NF1: variants seen among roughly 807,000 people sequenced by gnomAD.
NF1 encodes the protein neurofibromin.
NF1 carries 122 observed loss-of-function variants against 325.7 expected under a neutral mutation model. That is an observed-to-expected ratio of 0.37 (90% confidence interval 0.32 to 0.44). The LOEUF is 0.44. NF1 is among the 20% of genes least tolerant of loss of function. NF1 has a pLI of 1.00. For synonymous variants in NF1, 1,091 were observed against 1,186.0 expected (o/e 0.92, Z 1.65); for missense variants, 2,140 against 3,415.4 (o/e 0.63, Z 9.31).
intron 46 of NF1, 122 bp downstream of exon 46, chr17:31,338,927 T>A: frequency 1.4e-6 from 1 of 710,470 alleles, no homozygotes; most frequent in Non-Finnish European, 2.5e-6. Flanking sequence ...AAACTATAGT[T>A]AAAGTAGAAC....
intron 1 of NF1, among the ~76,000 whole-genome samples, chr17:31,112,927 A>G (rs1239466874): frequency 1.3e-5 from 2 of 152,128 alleles, no homozygotes; most frequent in African/African-American, 2.4e-5. Flanking sequence ...TATTTGTGCT[A>G]TGTGCCTGTT....
At chr17:31,305,111 A>G (rs763237281) in intron 36 of NF1, 5 of 1,614,096 alleles carry the variant, frequency 3.1e-6, no homozygotes, top group Non-Finnish European at 4.2e-6. Flanking sequence ...GGTTGTGTGG[A>G]TGGATTATGA....
intron 36 of NF1, among the ~76,000 whole-genome samples, chr17:31,324,354 A>G (rs1272554728): frequency 6.6e-6 from 1 of 152,222 alleles, no homozygotes; most frequent in African/African-American, 2.4e-5. Context: ...GGCGTGAGCC[A>G]CCATGCCCTG....
chr17:31,193,402 G>C (rs2143839228), intron 8 of NF1, among the ~76,000 whole-genome samples: 1 of 152,182 alleles, frequency 6.6e-6, no homozygotes, highest in African/African-American at 2.4e-5. Flanking sequence ...AAACTTCTGG[G>C]CTTATGCGAT....
chr17:31,241,526 A>T, intron 29 of NF1, among the ~76,000 whole-genome samples: 1 of 151,204 alleles, frequency 6.6e-6, no homozygotes, highest in Non-Finnish European at 1.5e-5. Flanking sequence ...TATGTTTTTG[A>T]TTTGAGGTTA....
At chr17:31,286,825 C>T (rs1339929975) in intron 36 of NF1, among the ~76,000 whole-genome samples, 2 of 152,142 alleles carry the variant, frequency 1.3e-5, no homozygotes, top group Non-Finnish European at 2.9e-5. Context: ...TCCTTGTCTT[C>T]CCTTACTTAT....
chr17:31,242,923 C>A (rs1185462749), intron 29 of NF1, among the ~76,000 whole-genome samples: 1 of 152,164 alleles, frequency 6.6e-6, no homozygotes, highest in Admixed American at 6.5e-5. Context: ...TGTTTGTACC[C>A]ACCCTTCTGG....
At chr17:31,181,292 T>C (rs2143772803) in intron 5 of NF1, 130 bp from the exon 6 acceptor site, 1 of 841,330 alleles carries the variant, frequency 1.2e-6, no homozygotes, top group South Asian at 1.7e-5. Flanking sequence ...ATGTTAGGTG[T>C]CTTTACCTTT....
At chr17:31,175,345 CTTTTTTTTTTTT>C (rs869113407) in intron 5 of NF1, among the ~76,000 whole-genome samples, 3 of 71,348 alleles carry the variant, frequency 4.2e-5, no homozygotes, top group Admixed American at 2.1e-4. Flanking sequence ...TGTGCTTTTG[CTTTTTTTTTTTT>C]TTTTTTTTTT....
At chr17:31,285,527 G>A (rs151232048) in intron 36 of NF1, among the ~76,000 whole-genome samples, 1 of 152,118 alleles carries the variant, frequency 6.6e-6, no homozygotes, top group Admixed American at 6.5e-5. Context: ...AAAATGTCAC[G>A]TTTAGTAATA....
chr17:31,324,764 G>T (rs1010667438), intron 36 of NF1, among the ~76,000 whole-genome samples: 3 of 152,056 alleles, frequency 2.0e-5, no homozygotes, highest in African/African-American at 7.2e-5. Flanking sequence ...GTTTTGCCAT[G>T]TTGGCCAGGC....
At chr17:31,112,159 A>G (rs892656226) in intron 1 of NF1, among the ~76,000 whole-genome samples, 4 of 152,258 alleles carry the variant, frequency 2.6e-5, no homozygotes, top group East Asian at 3.9e-4. Flanking sequence ...CAGTGGATAT[A>G]TCATAAGTTG....
intron 36 of NF1, among the ~76,000 whole-genome samples, chr17:31,287,542 C>CTCTGTGTG (rs987459488): frequency 4.0e-4 from 58 of 145,588 alleles, no homozygotes; most frequent in African/African-American, 1.4e-3. Context: ...TCATTCATAA[C>CTCTGTGTG]TGTGTGTGTG....
At chr17:31,168,393 A>G (rs992623191) in intron 4 of NF1, among the ~76,000 whole-genome samples, 24 of 152,152 alleles carry the variant, frequency 1.6e-4, no homozygotes, top group Non-Finnish European at 7.4e-5. Context: ...AATATCATGC[A>G]TTGCCAAATT....
At chr17:31,125,339 C>T (rs1311651931) in intron 1 of NF1, among the ~76,000 whole-genome samples, 2 of 151,504 alleles carry the variant, frequency 1.3e-5, no homozygotes, top group Non-Finnish European at 2.9e-5. Flanking sequence ...TATATCTGGG[C>T]TATTGATGCA....
intron 1 of NF1, among the ~76,000 whole-genome samples, chr17:31,107,516 C>T (rs542198241): frequency 7.2e-5 from 11 of 152,176 alleles, no homozygotes; most frequent in African/African-American, 1.4e-4. Flanking sequence ...CTTCCCACTT[C>T]GGCCTCCCAG....
rs1198681277 is a variant in NF1, at chr17:31,200,605, T to G, written c.1062+10T>G. 6.2e-7 allele frequency: 1 copy of G among 1,613,608 alleles called. No homozygotes were observed. Among genetic ancestry groups the G allele is most frequent in the Admixed American group, 1.7e-5 (1 of 60,024 alleles). On this transcript the variant is annotated intron_variant, in intron 9 of 57. Coordinates refer to ENST00000358273, the MANE Select transcript of NF1 (RefSeq NM_001042492.3). ...GGTGGTTGATCTTAAGGTAACATGC[T>G]TATTCTTTCTCTACTACAAACTTTA... is the stretch of plus-strand genomic sequence containing the variant.
In NF1 at chr17:31,156,022, G is replaced by T. The variant is rs772995929; in HGVS notation, c.100G>T (p.Val34Phe). Residue 34 changes from valine (V) to phenylalanine (F), a missense_variant, in exon 2 of 58, where the codon GTC (valine) becomes TTC (phenylalanine). Coordinates refer to ENST00000358273, the MANE Select transcript of NF1 (RefSeq NM_001042492.3). ...KTGQQNTHTK[V>F]STEHNKECLI... ...AGGACAGCAGAACACACATACCAAA[G>T]TCAGTACTGAGCACAACAAGGAATG... The T allele has an allele frequency of 6.2e-7, 1 of 1,612,626 alleles. No individual in the cohort carries two copies. The highest frequency in any genetic ancestry group is 8.5e-7 in the Non-Finnish European group (1 of 1,179,572).
chr17:31,302,540 C>T (rs2068598457), intron 36 of NF1, among the ~76,000 whole-genome samples: 1 of 152,074 alleles, frequency 6.6e-6, no homozygotes, highest in South Asian at 2.1e-4. Context: ...GGGAAATTAG[C>T]TTTAAAAGTA....
Sources: allele counts gnomAD v4.1 joint callset (sites outside exome capture counted in the v4.1 genomes callset), GRCh38; gene constraint gnomAD v4.1.1; transcripts MANE v1.5; gene names NCBI Gene and HGNC (gene_info 2026-07-23, HGNC 2026-07-21).